Variants in NFIC observed in about 807,000 individuals in gnomAD.
The protein encoded by NFIC is nuclear factor 1 C-type.
In NFIC, 12 loss-of-function variants were observed where a neutral mutation model predicts 54.4. That is an observed-to-expected ratio of 0.22 (90% CI 0.14 to 0.36). NFIC has a LOEUF of 0.36. Ranked by LOEUF, NFIC falls within the 10% of genes least tolerant of loss-of-function variation. NFIC has a pLI of 1.00. For missense variants in NFIC, 575 were observed against 718.2 expected, an observed-to-expected ratio of 0.80 and a Z score of 2.28; for synonymous variants, 322 against 319.2, an observed-to-expected ratio of 1.01 and a Z score of -0.09.
Position 3,453,852 on chromosome 19 carries a change from G to C in NFIC, c.1359G>C (p.Ala453=). 1 of 1,563,430 alleles carries C rather than the reference G, an allele frequency of 6.4e-7. No homozygotes were observed. Residue 453 remains alanine (A), a synonymous_variant, in exon 9 of 11, where the codon GCG becomes GCC. Transcript: ENST00000443272. The surrounding 1 kb of genome is among the most constrained non-coding windows in gnomAD (Gnocchi z 6.7). ...APPPPGLPRL[A]LPPATKPATT... is the part of the protein sequence containing the mutation. ...CGCCCCCGGGGCTGCCACGGCTGGC[G>C]CTCCCCCCTGCCACCAAACCCGCCA...
At chr19:3,388,241 G>A (rs1201642478) in intron 2 of NFIC, among the ~76,000 whole-genome samples, 3 of 152,336 alleles carry the variant, frequency 2.0e-5, no homozygotes, top group Middle Eastern at 3.4e-3. Flanking sequence ...AAACATGGGA[G>A]GGGGAGTTCC....
Position 3,366,594 on chromosome 19 carries a change from C to G in NFIC, c.-43C>G, listed in dbSNP as rs753189239. 2 of 1,325,862 alleles carry G rather than the reference C, an allele frequency of 1.5e-6. No individual in the cohort carries two copies. Among genetic ancestry groups the G allele is most frequent in the South Asian group, 1.4e-5 (1 of 71,742 alleles). The allele number at this position is 1,325,862 out of a possible 1,614,324, so 82.1% of individuals were successfully genotyped here. ...TGGAAAAATGACTCAGTAAGTTCAG[C>G]GCGCCCGCTCCGGCCGGCCCTGCGC... On this transcript the variant is annotated 5_prime_UTR_variant, in exon 1 of 11. Transcript: ENST00000443272.
chr19:3,372,167 C>T (rs10422394), intron 1 of NFIC, among the ~76,000 whole-genome samples: 13,661 of 151,898 alleles, frequency 0.09, 2,090 homozygotes, highest in African/African-American at 0.31. Flanking sequence ...ATTACAGGCA[C>T]GTGCCACCAC....
intron 6 of NFIC, among the ~76,000 whole-genome samples, chr19:3,447,854 T>A (rs1373916177): frequency 1.3e-5 from 2 of 152,256 alleles, no homozygotes; most frequent in Non-Finnish European, 2.9e-5. Context: ...CGATGTTTGG[T>A]GGGTGAGCCT....
rs373583943 is a variant in NFIC, at chr19:3,378,564, T to C, written c.31-3148T>C. Among the ~76,000 whole-genome samples, 14 of 152,332 alleles carry C rather than the reference T, an allele frequency of 9.2e-5. No individual in the cohort carries two copies. The South Asian group carries it at 2.7e-3, about 29-fold the overall frequency. ...GAAGTCAGATGAGTGCAGGTTCCAG[T>C]CCACCTCTGTCCCCCATGGCCGGGT... On this transcript the variant is annotated intron_variant, in intron 1 of 10. Transcript: ENST00000443272.
intron 6 of NFIC, among the ~76,000 whole-genome samples, chr19:3,437,720 GCTCTTAT>G (rs1248828427): frequency 1.4e-5 from 2 of 147,122 alleles, no homozygotes; most frequent in African/African-American, 2.5e-5. Context: ...ACGGAGTTTC[GCTCTTAT>G]CACCCAGGCT....
chr19:3,366,560 G>C, upstream of NFIC: 2 of 767,238 alleles, frequency 2.6e-6, no homozygotes, highest in Non-Finnish European at 3.9e-6. Context: ...GGGGGGCGGG[G>C]GGGTGGTTTG....
intron 2 of NFIC, among the ~76,000 whole-genome samples, chr19:3,418,558 A>G (rs10424563): frequency 0.91 from 137,834 of 152,244 alleles, 62,476 homozygotes; most frequent in Non-Finnish European, 0.93. Flanking sequence ...GATGATTTAA[A>G]ATGAGACGGC....
At chr19:3,394,515 C>A (rs2081427335) in intron 2 of NFIC, among the ~76,000 whole-genome samples, 1 of 12,108 alleles carries the variant, frequency 8.3e-5, no homozygotes. Flanking sequence ...ATGATCTTTT[C>A]CCCACCCACC....
At chr19:3,447,467 T>C (rs2082390373) in intron 6 of NFIC, among the ~76,000 whole-genome samples, 1 of 152,074 alleles carries the variant, frequency 6.6e-6, no homozygotes, top group African/African-American at 2.4e-5. Context: ...CACCGTGTCA[T>C]CTCCCCACTC....
chr19:3,403,936 G>A (rs1353467657), intron 2 of NFIC, among the ~76,000 whole-genome samples: 1 of 151,802 alleles, frequency 6.6e-6, no homozygotes, highest in Admixed American at 6.6e-5. Flanking sequence ...GATCCCTTCC[G>A]GAGCCTCTCC....
intron 2 of NFIC, among the ~76,000 whole-genome samples, chr19:3,392,067 CTT>C (rs781703569): frequency 5.9e-5 from 6 of 101,310 alleles, no homozygotes; most frequent in Admixed American, 2.0e-4. Context: ...GATAATAGCT[CTT>C]TTTTTTTTTT....
At chr19:3,433,667 C>G (rs1321251246) in intron 4 of NFIC, 75 bp downstream of exon 4, 25 of 1,473,746 alleles carry the variant, frequency 1.7e-5, no homozygotes, top group Non-Finnish European at 2.3e-5. Context: ...GCCCACCCCC[C>G]TCACCCTACT....
chr19:3,368,943 G>C (rs373485051), intron 1 of NFIC, among the ~76,000 whole-genome samples: 63 of 138,848 alleles, frequency 4.5e-4, no homozygotes, highest in Non-Finnish European at 5.6e-4. Context: ...GTGTGTGTGT[G>C]TGTGTCTGTT....
intron 2 of NFIC, among the ~76,000 whole-genome samples, chr19:3,411,912 C>T (rs905728801): frequency 3.9e-5 from 6 of 152,262 alleles, no homozygotes; most frequent in African/African-American, 1.2e-4. Flanking sequence ...CAGTGCCATC[C>T]GGCATGCACG....
intron 2 of NFIC, among the ~76,000 whole-genome samples, chr19:3,389,503 C>T (rs138053670): frequency 8.9e-4 from 136 of 152,230 alleles, no homozygotes; most frequent in Non-Finnish European, 1.6e-3. Context: ...GCTCGGGTGA[C>T]GGTGCCTGTT....
At chr19:3,372,645 G>A (rs1050573327) in intron 1 of NFIC, among the ~76,000 whole-genome samples, 1 of 151,586 alleles carries the variant, frequency 6.6e-6, no homozygotes, top group African/African-American at 2.4e-5. Context: ...GAGTGTGCAC[G>A]GTGCAGACCA....
chr19:3,359,784 G>C, intron 1 of NFIC: 1 of 1,255,194 alleles, frequency 8.0e-7, no homozygotes, highest in Non-Finnish European at 1.0e-6. Context: ...ACAGGGGGCG[G>C]GGGCCGCCCG....
chr19:3,392,627 C>T (rs2081393744), intron 2 of NFIC, among the ~76,000 whole-genome samples: 1 of 152,220 alleles, frequency 6.6e-6, no homozygotes, highest in South Asian at 2.1e-4. Context: ...TGTGATGCCC[C>T]CCGTTATGGC....
Sources: allele counts gnomAD v4.1 joint callset (sites outside exome capture counted in the v4.1 genomes callset), GRCh38; gene constraint gnomAD v4.1.1; non-coding constraint Gnocchi (gnomAD v3.1); transcripts MANE v1.5; gene names NCBI Gene and HGNC (gene_info 2026-07-23, HGNC 2026-07-21).